The following ERI1 variants were observed in gnomAD, a reference collection of about 807,000 sequenced individuals.
The protein encoded by ERI1 is 3'-5' exoribonuclease 1.
A neutral mutation model predicts 39.7 loss-of-function variants in ERI1; 39 were observed. The observed-to-expected ratio is 0.98, with a 90% CI of 0.76 to 1.28. ERI1 has a LOEUF of 1.28. Ranked by LOEUF, ERI1 falls within the 50% of genes most tolerant of loss-of-function variation. The pLI is 0.00. For missense variants in ERI1, 581 were observed against 416.9 expected, an observed-to-expected ratio of 1.39 and a Z score of -3.43; for synonymous variants, 204 against 149.6, an observed-to-expected ratio of 1.36 and a Z score of -2.65.
intron 3 of ERI1, among the ~76,000 whole-genome samples, chr8:9,081,674 T>C (rs1217580534): frequency 7.1e-6 from 1 of 141,768 alleles, no homozygotes; most frequent in Non-Finnish European, 1.5e-5. Context: ...TTTCCTCTTC[T>C]TCTTCTTTTG....
In ERI1 at chr8:9,076,604, T is replaced by A. The variant is rs115731777; in HGVS notation, n.300-39744T>A. 4.8e-3 allele frequency among the ~76,000 whole-genome samples: 733 copies of A among 152,368 alleles called. 6 individuals carry two copies. The highest frequency in any genetic ancestry group is 0.017 in the African/African-American group (709 of 41,594). On this transcript the variant is annotated intron_variant and non_coding_transcript_variant, in intron 3 of 3. Coordinates refer to the ERI1 transcript ENST00000518663. Reference sequence around the variant, plus strand: ...TATTGGCCCATCAAGAGTTTGTTTCTTTAAATTATCCATTGCCTTTGGTAA... The same window carrying A: ...TATTGGCCCATCAAGAGTTTGTTTCATTAAATTATCCATTGCCTTTGGTAA...
intron 3 of ERI1, among the ~76,000 whole-genome samples, chr8:9,014,640 C>G (rs1405317741): frequency 1.3e-5 from 2 of 152,144 alleles, no homozygotes; most frequent in African/African-American, 2.4e-5. Context: ...TTAGTAATAT[C>G]TGTTATTTAG....
chr8:9,019,256 C>G (rs1277805189), intron 5 of ERI1, among the ~76,000 whole-genome samples: 1 of 152,204 alleles, frequency 6.6e-6, no homozygotes, highest in Non-Finnish European at 1.5e-5. Context: ...TAAACAACTT[C>G]TGTTTCAAAC....
chr8:9,013,074 G>A (rs1447482839), intron 3 of ERI1, among the ~76,000 whole-genome samples: 2 of 151,502 alleles, frequency 1.3e-5, no homozygotes, highest in African/African-American at 2.4e-5. Context: ...GAGTGCAGTG[G>A]TGCAAACCCA....
Position 9,003,476 on chromosome 8 carries a change from A to C in ERI1, c.108+305A>C, listed in dbSNP as rs566485179. Among the ~76,000 whole-genome samples, 11 of 152,038 alleles carry C rather than the reference A, an allele frequency of 7.2e-5. 1 individual carries two copies. Among genetic ancestry groups the C allele is most frequent in the African/African-American group, 2.7e-4 (11 of 41,462 alleles). On this transcript the variant is annotated intron_variant, in intron 1 of 6. Transcript: ENST00000250263. Reference sequence around the variant, plus strand: ...TTCTGTGTTCACGGTTGCTGTTGTCACTCCATGTAGCCGTTATGGGTAGTT... The same window carrying C: ...TTCTGTGTTCACGGTTGCTGTTGTCCCTCCATGTAGCCGTTATGGGTAGTT...
At chr8:9,038,330 T>C (rs553590505), downstream of ERI1, among the ~76,000 whole-genome samples, 12 of 152,358 alleles carry the variant, frequency 7.9e-5, no homozygotes, top group South Asian at 2.5e-3. Flanking sequence ...TAACAAGATA[T>C]TTTGAGAGAG....
At chr8:9,004,349 G>A in intron 1 of ERI1, 1 of 980,934 alleles carries the variant, frequency 1.0e-6, no homozygotes, top group Non-Finnish European at 1.3e-6. Context: ...AAAGAAGTGT[G>A]TTTGAATATG....
downstream of ERI1, among the ~76,000 whole-genome samples, chr8:9,035,697 G>A (rs954230957): frequency 1.3e-5 from 2 of 152,202 alleles, no homozygotes; most frequent in African/African-American, 4.8e-5. Context: ...ACAGCCCATG[G>A]ATCAAGTAGT....
At chr8:9,097,769 A>G (rs1292205812) in intron 3 of ERI1, among the ~76,000 whole-genome samples, 2 of 152,314 alleles carry the variant, frequency 1.3e-5, no homozygotes, top group South Asian at 2.1e-4. Flanking sequence ...AACAAGCACT[A>G]TATACATCAT....
chr8:9,021,431 A>C (rs1281301428), intron 6 of ERI1, among the ~76,000 whole-genome samples: 1 of 152,030 alleles, frequency 6.6e-6, no homozygotes, highest in Non-Finnish European at 1.5e-5. Context: ...TTCTCCCTTT[A>C]CAGTTTCATT....
chr8:9,060,793 T>C (rs972824046), intron 3 of ERI1, among the ~76,000 whole-genome samples: 1 of 152,194 alleles, frequency 6.6e-6, no homozygotes, highest in African/African-American at 2.4e-5. Context: ...CTAGCCACCT[T>C]ATCAGCATAA....
chr8:9,060,789 A>G (rs557399726), intron 3 of ERI1, among the ~76,000 whole-genome samples: 62 of 152,314 alleles, frequency 4.1e-4, no homozygotes, highest in Non-Finnish European at 2.4e-4. Flanking sequence ...TTGTCTAGCC[A>G]CCTTATCAGC....
At chr8:9,051,760 A>G (rs1798363336) in intron 3 of ERI1, among the ~76,000 whole-genome samples, 1 of 151,982 alleles carries the variant, frequency 6.6e-6, no homozygotes, top group Admixed American at 6.6e-5. Flanking sequence ...GATCTTTGTA[A>G]GTGTCCTATG....
intron 3 of ERI1, among the ~76,000 whole-genome samples, chr8:9,065,847 C>T (rs1798857313): frequency 6.6e-6 from 1 of 152,088 alleles, no homozygotes; most frequent in Non-Finnish European, 1.5e-5. Context: ...TTTTCCTCTC[C>T]TGTTGCAAAC....
At chr8:9,023,580 C>A (rs1488936683) in intron 6 of ERI1, among the ~76,000 whole-genome samples, 1 of 151,890 alleles carries the variant, frequency 6.6e-6, no homozygotes, top group African/African-American at 2.4e-5. Context: ...GTTTGTTAGC[C>A]TGCTCTTTTT....
At chr8:9,015,501 C>T (rs986899324) in intron 3 of ERI1, among the ~76,000 whole-genome samples, 1 of 151,888 alleles carries the variant, frequency 6.6e-6, no homozygotes, top group South Asian at 2.1e-4. Flanking sequence ...TAAAATAAGA[C>T]CATCGTGTCA....
rs1485527617 is a variant in ERI1 at position 9,020,397 on chromosome 8, G to A, written c.740G>A (p.Arg247Lys). ...TTGAACATTCAGTGTCAACTCAGCA[G>A]GCTCAAATACCCTCCTTTTGCGAAA... ...KFLNIQCQLS[R>K]LKYPPFAKKW... The change falls in exon 6 of 7, where the codon AGG becomes AAG. Residue 247 changes from arginine (R) to lysine (K), a missense_variant. Physicochemically the swap from Arg to Lys is conservative, Grantham distance 26. Coordinates refer to ENST00000250263, the MANE Select transcript of ERI1 (RefSeq NM_153332.4). 1.9e-6 allele frequency: 3 copies of A among 1,607,310 alleles called. No homozygotes were observed. Among genetic ancestry groups the A allele is most frequent in the Non-Finnish European group, 2.5e-6 (3 of 1,177,470 alleles).
At chr8:9,016,110 T>C (rs1817251370) in intron 3 of ERI1, among the ~76,000 whole-genome samples, 1 of 152,228 alleles carries the variant, frequency 6.6e-6, no homozygotes, top group Non-Finnish European at 1.5e-5. Context: ...ACACTCACTT[T>C]ATCGTAAAAT....
At chr8:9,085,979 A>T (rs1236693790) in intron 3 of ERI1, among the ~76,000 whole-genome samples, 1 of 152,178 alleles carries the variant, frequency 6.6e-6, no homozygotes, top group African/African-American at 2.4e-5. Flanking sequence ...GTTTGTGTGT[A>T]TCTAGAAGAT....
Sources: gnomAD v4.1 joint callset for allele counts (sites outside exome capture counted in the v4.1 genomes callset) on GRCh38, gnomAD v4.1.1 for gene constraint, MANE v1.5 for transcripts, NCBI Gene and HGNC (gene_info 2026-07-23, HGNC 2026-07-21) for gene names.